RNF41: variants seen among roughly 807,000 people sequenced by gnomAD.
RNF41 encodes the protein ring finger protein 41, also known as E3 ubiquitin-protein ligase NRDP1.
Under a neutral mutation model 33.0 loss-of-function variants are expected in RNF41, and 4 were observed. That is an observed-to-expected ratio of 0.12 (90% confidence interval 0.06 to 0.28). The LOEUF (loss-of-function observed/expected upper bound fraction) is 0.28. Among genes scored for constraint, RNF41 ranks in the 10% least tolerant of loss-of-function variants. The pLI is 1.00. For missense variants in RNF41, 228 were observed against 432.6 expected, an observed-to-expected ratio of 0.53 and a Z score of 4.19; for synonymous variants, 164 against 153.2, an observed-to-expected ratio of 1.07 and a Z score of -0.52.
intron 3 of RNF41, 50 bp from the exon 4 acceptor site, chr12:56,210,618 AAG>A: frequency 6.7e-7 from 1 of 1,494,526 alleles, no homozygotes; most frequent in Non-Finnish European, 9.0e-7. Context: ...AGCAGGACCT[AAG>A]AGCCTGGATA....
rs903589499 is a variant in RNF41 at position 56,206,595 on chromosome 12, C to T, written c.806G>A (p.Arg269Gln). ...LATLETRQMN[R>Q]RYYENYVAKR... ...GGCCACGTAGTTCTCATAGTAGCGTCGGTTCATCTGTCTAGTCTCTAGTGT... is the reference window on the plus strand; with the variant it reads ...GGCCACGTAGTTCTCATAGTAGCGTTGGTTCATCTGTCTAGTCTCTAGTGT... Residue 269 changes from arginine to glutamine, a missense_variant, in exon 7 of 7, where the codon CGA (arginine) becomes CAA (glutamine). By Grantham distance (43) the Arg-to-Gln change is conservative. Transcript: ENST00000345093. This position sits in a 1 kb window ranked among gnomAD's most constrained non-coding sequence, Gnocchi z 5.7. 6.2e-7 allele frequency: 1 copy of T among 1,614,162 alleles called. No homozygotes were observed. Among genetic ancestry groups the T allele is most frequent in the Non-Finnish European group, 8.5e-7 (1 of 1,180,026 alleles).
intron 4 of RNF41, 73 bp from the exon 5 acceptor site, chr12:56,208,371 G>T: frequency 1.3e-6 from 2 of 1,520,512 alleles, no homozygotes; most frequent in Non-Finnish European, 1.8e-6. Flanking sequence ...CCTATTCTGT[G>T]GCAGATAACT....
intron 4 of RNF41, among the ~76,000 whole-genome samples, chr12:56,209,718 A>G (rs1868356928): frequency 6.6e-6 from 1 of 152,068 alleles, no homozygotes; most frequent in South Asian, 2.1e-4. Context: ...TGGCCTCCCA[A>G]AGTGCTGGGA....
intron 3 of RNF41, among the ~76,000 whole-genome samples, chr12:56,212,489 C>T (rs1297126944): frequency 6.6e-6 from 1 of 152,110 alleles, no homozygotes; most frequent in Non-Finnish European, 1.5e-5. Context: ...AGACTGTCAC[C>T]AACTACGACT....
At chr12:56,221,120 T>G (rs1289037134) in intron 1 of RNF41, among the ~76,000 whole-genome samples, 1 of 152,188 alleles carries the variant, frequency 6.6e-6, no homozygotes, top group Admixed American at 6.5e-5. Context: ...CTCCTGGCTT[T>G]CTGCTCTTCC....
Position 56,208,392 on chromosome 12 carries a change from T to C in RNF41, c.363-94A>G, listed in dbSNP as rs1868317376. ...CTGTGGCAGATAACTGCTAAGTAGATTTTGTCCTACCCAAAATTTCTAACA... is the reference window on the plus strand; with the variant it reads ...CTGTGGCAGATAACTGCTAAGTAGACTTTGTCCTACCCAAAATTTCTAACA... On this transcript the variant is annotated intron_variant, in intron 4 of 6. Transcript: ENST00000345093. 3.6e-6 allele frequency: 5 copies of C among 1,386,706 alleles called. No individual in the cohort carries two copies. In the Admixed American group the frequency reaches 1.0e-4, roughly 29 times the overall value. The allele number at this position is 1,386,706 out of a possible 1,614,324, so 85.9% of individuals were successfully genotyped here. A position where few individuals can be genotyped will look rare whatever the true frequency, so the allele number is the denominator to read the frequency against.
chr12:56,211,270 G>A lies in RNF41; in HGVS notation c.91-702C>T, dbSNP rs189553462. On this transcript the variant is annotated intron_variant, in intron 3 of 6. Coordinates refer to ENST00000345093, the MANE Select transcript of RNF41 (RefSeq NM_005785.4). ...GGAGGATGGCTTGAGCCCATAAGGC[G>A]GAGGTTGCAGTGAACCAAGACTGCA... 2.3e-3 allele frequency among the ~76,000 whole-genome samples: 357 copies of A among 152,078 alleles called. 2 individuals carry two copies. The highest frequency in any genetic ancestry group is 5.8e-3 in the Admixed American group (89 of 15,258).
intron 1 of RNF41, among the ~76,000 whole-genome samples, chr12:56,217,160 CAA>C (rs995599189): frequency 2.1e-5 from 3 of 143,844 alleles, no homozygotes; most frequent in Non-Finnish European, 3.1e-5. Context: ...AAAAAAAAGA[CAA>C]GAGGAAAAGT....
chr12:56,207,040 A>T (rs1868278648), intron 6 of RNF41: 1 of 1,267,738 alleles, frequency 7.9e-7, no homozygotes, highest in Non-Finnish European at 1.0e-6. Flanking sequence ...TTTCTTTGAA[A>T]TTCCAATACT....
At chr12:56,209,092 T>C (rs1868339938) in intron 4 of RNF41, among the ~76,000 whole-genome samples, 2 of 151,990 alleles carry the variant, frequency 1.3e-5, no homozygotes, top group South Asian at 4.1e-4. Context: ...CTTGAACTCC[T>C]GACCTCAGGT....
Position 56,219,041 on chromosome 12 carries a change from C to T in RNF41, c.-208-2428G>A, listed in dbSNP as rs968059533. ...TTTTTGAGATGGAGTCTTCCTCTGT[C>T]GCTCAGGATGGAGTGCAGTGATGCA... On this transcript the variant is annotated intron_variant, in intron 1 of 6. Coordinates refer to ENST00000345093, the MANE Select transcript of RNF41 (RefSeq NM_005785.4). Among the ~76,000 whole-genome samples the T allele has an allele frequency of 3.3e-5, 5 of 150,954 alleles. No individual in the cohort carries two copies. In the East Asian group the frequency reaches 7.8e-4, roughly 24 times the overall value.
chr12:56,214,981 T>C (rs1410713467), intron 2 of RNF41, among the ~76,000 whole-genome samples: 1 of 151,290 alleles, frequency 6.6e-6, no homozygotes, highest in African/African-American at 2.4e-5. Flanking sequence ...AAGCAGAGGG[T>C]GGTTTTGACA....
intron 3 of RNF41, among the ~76,000 whole-genome samples, chr12:56,211,605 A>C (rs918344283): frequency 1.3e-5 from 2 of 152,102 alleles, no homozygotes; most frequent in Non-Finnish European, 2.9e-5. Context: ...ACAGAATTTG[A>C]TATGGGTCTT....
At chr12:56,218,191 T>C (rs904242753) in intron 1 of RNF41, among the ~76,000 whole-genome samples, 1 of 150,786 alleles carries the variant, frequency 6.6e-6, no homozygotes, top group African/African-American at 2.4e-5. Flanking sequence ...TGACCTCAGG[T>C]GATCCACCCG....
chr12:56,219,416 T>C (rs1869166544), intron 1 of RNF41, among the ~76,000 whole-genome samples: 1 of 150,682 alleles, frequency 6.6e-6, no homozygotes, highest in South Asian at 2.1e-4. Context: ...AGGATGATCT[T>C]GATCTCCTGA....
In RNF41 at chr12:56,218,695, TTA is replaced by T. The variant is rs746125373; in HGVS notation, c.-208-2084_-208-2083del. 3.0e-4 allele frequency among the ~76,000 whole-genome samples: 45 copies of T among 148,224 alleles called. No homozygotes were observed. The East Asian group carries it at 4.9e-3, about 16-fold the overall frequency. ...GGTATATATAATATATACATATTTA[TTA>T]TATATATATATGTTATTTTTTTTTT... On this transcript the variant is annotated intron_variant, in intron 1 of 6. Coordinates refer to ENST00000345093, the MANE Select transcript of RNF41 (RefSeq NM_005785.4).
intron 3 of RNF41, among the ~76,000 whole-genome samples, chr12:56,211,611 G>A (rs1323463943): frequency 6.6e-6 from 1 of 152,062 alleles, no homozygotes. Flanking sequence ...TTTGATATGG[G>A]TCTTGAAGGA....
chr12:56,209,608 C>T (rs1868352817), intron 4 of RNF41, among the ~76,000 whole-genome samples: 1 of 152,200 alleles, frequency 6.6e-6, no homozygotes, highest in South Asian at 2.1e-4. Context: ...CAGGTGCCTG[C>T]CACCACGCCT....
chr12:56,208,420 C>T, intron 4 of RNF41, 122 bp from the exon 5 acceptor site: 1 of 949,180 alleles, frequency 1.1e-6, no homozygotes. Context: ...TTCTAACATT[C>T]ATTTCAGGCC....
Sources: gnomAD v4.1 joint callset for allele counts (sites outside exome capture counted in the v4.1 genomes callset) on GRCh38, gnomAD v4.1.1 for gene constraint, Gnocchi (gnomAD v3.1) non-coding constraint, MANE v1.5 for transcripts, NCBI Gene and HGNC (gene_info 2026-07-23, HGNC 2026-07-21) for gene names.